Variants in AMBP observed in about 807,000 individuals in gnomAD.
AMBP encodes protein AMBP.
A neutral mutation model predicts 46.3 loss-of-function variants in AMBP; 37 were observed. That is an observed-to-expected ratio of 0.80 (90% CI 0.61 to 1.05). The LOEUF (loss-of-function observed/expected upper bound fraction) is 1.05, where lower values mean the gene tolerates loss of function less well. AMBP is among the 50% of genes least tolerant of loss of function. AMBP has a pLI of 0.00. For synonymous variants in AMBP, 174 were observed against 175.9 expected, an observed-to-expected ratio of 0.99 and a Z score of 0.09; for missense variants, 475 against 461.2, an observed-to-expected ratio of 1.03 and a Z score of -0.27.
chr9:114,062,068 G>T (rs1230533978), intron 7 of AMBP, among the ~76,000 whole-genome samples: 1 of 152,076 alleles, frequency 6.6e-6, no homozygotes, highest in East Asian at 1.9e-4. Flanking sequence ...AAGTCCTCCT[G>T]ATCCCCTCAC....
At chr9:114,077,995 C>T (rs900932251) in intron 1 of AMBP, 98 bp downstream of exon 1, 25 of 1,174,234 alleles carry the variant, frequency 2.1e-5, no homozygotes, top group Non-Finnish European at 2.5e-6. Flanking sequence ...TGAGTGGAAG[C>T]CTGAGACCCC....
At chr9:114,070,614 G>T (rs1426413450) in intron 5 of AMBP, among the ~76,000 whole-genome samples, 1 of 152,246 alleles carries the variant, frequency 6.6e-6, no homozygotes, top group African/African-American at 2.4e-5. Flanking sequence ...GCCCAGGGCA[G>T]TGCTGCACTT....
At chr9:114,076,860 T>G (rs1846818408) in intron 1 of AMBP, 120 bp from the exon 2 acceptor site, 1 of 1,273,056 alleles carries the variant, frequency 7.9e-7, no homozygotes, top group African/African-American at 1.5e-5. Flanking sequence ...TCAAAATGAC[T>G]TATCCTTTTA....
In AMBP at chr9:114,061,501, A is replaced by G. The variant is rs748106245; in HGVS notation, c.776T>C (p.Phe259Ser). The G allele has an allele frequency of 2.5e-6, 4 of 1,614,144 alleles. No individual in the cohort carries two copies. Among genetic ancestry groups the G allele is most frequent in the Admixed American group, 3.3e-5 (2 of 60,018 alleles). Residue 259 changes from phenylalanine to serine, a missense_variant, in exon 8 of 10, where the codon TTC (phenylalanine) becomes TCC (serine). This residue lies in a region of AMBP where 293 missense variants were observed against 276.9 expected (regional missense o/e 1.06). Coordinates refer to ENST00000265132, the MANE Select transcript of AMBP (RefSeq NM_001633.4). ...YNGTSMACET[F>S]QYGGCMGNGN... ...GTTGCCCATGCAGCCGCCGTACTGG[A>G]AAGTCTCACAGGCCATGGATGTACC...
intron 6 of AMBP, among the ~76,000 whole-genome samples, chr9:114,067,888 A>C (rs528231712): frequency 6.6e-6 from 1 of 152,160 alleles, no homozygotes; most frequent in African/African-American, 2.4e-5. Context: ...CAAAAACACC[A>C]CCTGGCAAAG....
At position 114,060,965 on chromosome 9, in the gene AMBP, T is replaced by C. The variant is rs141454067; in HGVS notation, c.987A>G (p.Ser329=). The part of the protein sequence containing the change: ...GCQGNGNKFY[S]EKECREYCGV... ...CGCAGTACTCTCTGCACTCCTTCTC[T>C]GAGTAGAACTTGTTCCCGTTGCCCT... The change falls in exon 9 of 10, where the codon TCA becomes TCG. Residue 329 remains serine (S), a synonymous_variant. Coordinates refer to ENST00000265132, the MANE Select transcript of AMBP (RefSeq NM_001633.4). 725 of 1,614,246 alleles carry C rather than the reference T, an allele frequency of 4.5e-4. No individual in the cohort carries two copies. The highest frequency in any genetic ancestry group is 5.8e-4 in the Non-Finnish European group (683 of 1,180,040).
intron 6 of AMBP, among the ~76,000 whole-genome samples, chr9:114,063,183 G>GAAA (rs397940037): frequency 5.5e-5 from 8 of 145,060 alleles, no homozygotes; most frequent in East Asian, 2.0e-4. Context: ...GCTGCTTGCA[G>GAAA]AAAAAAAAAA....
Position 114,060,181 on chromosome 9 carries a change from T to C in AMBP, c.*58A>G. ...TGGACCCAGGTTGCTTGGCGCTGCC[T>C]GCCACAGGACCCCGGGACAGACACT... On this transcript the variant is annotated 3_prime_UTR_variant, in exon 10 of 10. Coordinates refer to ENST00000265132, the MANE Select transcript of AMBP (RefSeq NM_001633.4). The C allele has an allele frequency of 6.4e-7, 1 of 1,568,026 alleles. No individual in the cohort carries two copies.
In AMBP at chr9:114,060,184, C is replaced by T; in HGVS notation, c.*55G>A. On this transcript the variant is annotated 3_prime_UTR_variant, in exon 10 of 10. Coordinates refer to ENST00000265132, the MANE Select transcript of AMBP (RefSeq NM_001633.4). Reference sequence around the variant, plus strand: ...ACCCAGGTTGCTTGGCGCTGCCTGCCACAGGACCCCGGGACAGACACTGGC... The same window carrying T: ...ACCCAGGTTGCTTGGCGCTGCCTGCTACAGGACCCCGGGACAGACACTGGC... 2 of 1,576,360 alleles carry T rather than the reference C, an allele frequency of 1.3e-6. No homozygotes were observed.
Position 114,061,312 on chromosome 9 carries a change from G to C in AMBP, c.853+112C>G, listed in dbSNP as rs909344729. The C allele has an allele frequency of 5.9e-6, 9 of 1,533,856 alleles. No individual in the cohort carries two copies. In the African/African-American group the frequency reaches 1.1e-4, roughly 19 times the overall value. ...CTAAGATTTCAGGAAACCGCCTGGAGTTCTACCACTGGAATGCCCTCTGTT... is the reference window on the plus strand; with the variant it reads ...CTAAGATTTCAGGAAACCGCCTGGACTTCTACCACTGGAATGCCCTCTGTT... On this transcript the variant is annotated intron_variant, in intron 8 of 9. Transcript: ENST00000265132.
chr9:114,077,879 G>A (rs1311131495), intron 1 of AMBP, among the ~76,000 whole-genome samples: 1 of 152,230 alleles, frequency 6.6e-6, no homozygotes, highest in African/African-American at 2.4e-5. Context: ...CACGAGGACA[G>A]TGCAGAAGGT....
At chr9:114,073,161 A>G (rs779684757) in intron 4 of AMBP, 135 bp from the exon 5 acceptor site, 3 of 732,216 alleles carry the variant, frequency 4.1e-6, no homozygotes, top group Non-Finnish European at 6.5e-6. Flanking sequence ...TATTTGATAC[A>G]CTGAAGGAAA....
chr9:114,063,084 C>T (rs1024578338), intron 6 of AMBP, among the ~76,000 whole-genome samples: 5 of 152,076 alleles, frequency 3.3e-5, no homozygotes, highest in African/African-American at 1.2e-4. Flanking sequence ...GGGAGAGCAG[C>T]ACCCTCACAC....
Position 114,073,329 on chromosome 9 carries a change from C to T in AMBP, c.455-303G>A, listed in dbSNP as rs1031769681. ...TGGCGTGATCTCAGCTCACTGCAAG[C>T]TCTGCCTCCCGGGTTCCCGCCATTC... On this transcript the variant is annotated intron_variant, in intron 4 of 9. Transcript: ENST00000265132. 2.0e-5 allele frequency among the ~76,000 whole-genome samples: 3 copies of T among 151,812 alleles called. No individual in the cohort carries two copies. In the East Asian group the frequency reaches 5.8e-4, roughly 30 times the overall value.
intron 9 of AMBP, 131 bp downstream of exon 9, chr9:114,060,794 A>T: frequency 9.2e-7 from 1 of 1,090,804 alleles, no homozygotes; most frequent in Non-Finnish European, 1.3e-6. Context: ...CCCATTTCAG[A>T]GAGTAGATGG....
Position 114,076,718 on chromosome 9 carries a change from A to G in AMBP, c.140T>C (p.Leu47Pro), listed in dbSNP as rs1846815815. The change falls in exon 2 of 10, where the codon CTG becomes CCG. Residue 47 changes from leucine (L) to proline (P), a missense_variant. Physicochemically the swap from Leu to Pro is moderately conservative, Grantham distance 98 (BLOSUM62 -3). Coordinates refer to ENST00000265132, the MANE Select transcript of AMBP (RefSeq NM_001633.4). Reference sequence around the variant, plus strand: ...CCAGGGGCAGGTGGAACCGATGGCCAGGTTGTACCACTTCCCATAGATCTA... The same window carrying G: ...CCAGGGGCAGGTGGAACCGATGGCCGGGTTGTACCACTTCCCATAGATCTA... ...ISRIYGKWYN[L>P]AIGSTCPWLK... 1 of 1,613,968 alleles carries G rather than the reference A, an allele frequency of 6.2e-7. No homozygotes were observed. Among genetic ancestry groups the G allele is most frequent in the Non-Finnish European group, 8.5e-7 (1 of 1,179,962 alleles).
intron 6 of AMBP, 107 bp downstream of exon 6, chr9:114,069,592 C>A: frequency 3.6e-6 from 4 of 1,114,884 alleles, no homozygotes; most frequent in Non-Finnish European, 3.9e-6. Context: ...TCTCTCACCC[C>A]CTCCCCATGA....
At chr9:114,070,977 C>T (rs973899396) in intron 5 of AMBP, among the ~76,000 whole-genome samples, 3 of 152,166 alleles carry the variant, frequency 2.0e-5, no homozygotes, top group African/African-American at 7.2e-5. Flanking sequence ...ATGGAGGGAG[C>T]TTGCCACGAT....
At chr9:114,061,790 A>G (rs1284177772) in intron 7 of AMBP, among the ~76,000 whole-genome samples, 199 bp from the exon 8 acceptor site, 1 of 152,164 alleles carries the variant, frequency 6.6e-6, no homozygotes, top group Non-Finnish European at 1.5e-5. Flanking sequence ...CCCTGTCTCC[A>G]AAACCAATGC....
Sources: gnomAD v4.1 joint callset for allele counts (sites outside exome capture counted in the v4.1 genomes callset) on GRCh38, gnomAD v4.1.1 for gene constraint, gnomAD v4.1.1 regional missense constraint, MANE v1.5 for transcripts, NCBI Gene and HGNC (gene_info 2026-07-23, HGNC 2026-07-21) for gene names.